Variants in KMT2A observed in about 807,000 individuals in gnomAD.
KMT2A encodes the protein histone-lysine N-methyltransferase 2A.
Under a neutral mutation model 345.3 loss-of-function variants are expected in KMT2A, and 16 were observed. The observed-to-expected ratio is 0.05, with a 90% CI of 0.03 to 0.07. KMT2A has a LOEUF of 0.07. Ranked by LOEUF, KMT2A falls within the 10% of genes least tolerant of loss-of-function variation. The pLI, the probability that KMT2A is intolerant of heterozygous loss-of-function variation, is 1.00. For missense variants in KMT2A, 3,272 were observed against 4,841.6 expected (o/e 0.68, Z 9.62); for synonymous variants, 1,599 against 1,778.6 (o/e 0.90, Z 2.54).
chr11:118,455,710 T>A (rs1019388062), intron 1 of KMT2A, among the ~76,000 whole-genome samples: 10 of 151,780 alleles, frequency 6.6e-5, no homozygotes, highest in Non-Finnish European at 7.4e-5. Context: ...TTATTTATTT[T>A]TTTTTGAGGC....
chr11:118,476,730 A>G lies in KMT2A; in HGVS notation c.3157-75A>G. On this transcript the variant is annotated intron_variant, in intron 3 of 35. Coordinates refer to ENST00000534358, the MANE Select transcript of KMT2A (RefSeq NM_001197104.2). This position sits in a 1 kb window ranked among gnomAD's most constrained non-coding sequence, Gnocchi z 4.1. ...TTCTAAATCATACTGAAATTGATTA[A>G]GTATACCTTGGCTTCGTTCAGTTAT... 3 of 1,178,718 alleles carry G rather than the reference A, an allele frequency of 2.5e-6. No individual in the cohort carries two copies. Among genetic ancestry groups the G allele is most frequent in the Non-Finnish European group, 3.7e-6 (3 of 820,710 alleles). 73.0% of individuals were successfully genotyped at this position (1,178,718 alleles called of 1,614,324 possible).
chr11:118,445,489 T>G (rs2134181190), intron 1 of KMT2A, among the ~76,000 whole-genome samples: 1 of 152,344 alleles, frequency 6.6e-6, no homozygotes, highest in South Asian at 2.1e-4. Flanking sequence ...GGCTCCAGGT[T>G]CAGACCCATT....
At chr11:118,444,893 C>CT (rs782197460) in intron 1 of KMT2A, among the ~76,000 whole-genome samples, 4 of 152,142 alleles carry the variant, frequency 2.6e-5, no homozygotes, top group Non-Finnish European at 5.9e-5. Flanking sequence ...TTTTGAACCT[C>CT]TCCATACCTC....
At chr11:118,499,468 G>C in intron 23 of KMT2A, 48 bp downstream of exon 23, 1 of 1,185,906 alleles carries the variant, frequency 8.4e-7, no homozygotes, top group Non-Finnish European at 1.3e-6. Context: ...TATCATTGGG[G>C]AAATTTCTGG....
chr11:118,489,826 A>G lies in KMT2A; in HGVS notation c.4514A>G (p.Tyr1505Cys). ...LLECNKCRNS[Y>C]HPECLGPNYP... The stretch of plus-strand genomic sequence containing the variant: ...GAGTGTAATAAGTGCCGAAACAGCT[A>G]TCACCCTGAGTGCCTGGGACCAAAC... Residue 1505 changes from tyrosine (Y) to cysteine (C), a missense_variant, in exon 12 of 36, where the codon TAT (tyrosine) becomes TGT (cysteine). Tyr to Cys is a radical substitution (Grantham distance 194). Coordinates refer to ENST00000534358, the MANE Select transcript of KMT2A (RefSeq NM_001197104.2). 1 of 1,614,214 alleles carries G rather than the reference A, an allele frequency of 6.2e-7. No homozygotes were observed. The highest frequency in any genetic ancestry group is 8.5e-7 in the Non-Finnish European group (1 of 1,180,028).
At chr11:118,517,339 T>C (rs1226745060) in intron 31 of KMT2A, among the ~76,000 whole-genome samples, 1 of 139,560 alleles carries the variant, frequency 7.2e-6, no homozygotes, top group Non-Finnish European at 1.5e-5. Context: ...GAGCTTGCAG[T>C]GAGCCAAGAT....
At chr11:118,439,183 GAAAA>G in intron 1 of KMT2A, 1 of 384,138 alleles carries the variant, frequency 2.6e-6, no homozygotes, top group East Asian at 7.6e-5. Context: ...AGAAAAAAAA[GAAAA>G]AACTGACATT....
Position 118,493,621 on chromosome 11 carries a change from C to T in KMT2A, c.5178+391C>T, listed in dbSNP as rs977683756. Among the ~76,000 whole-genome samples, 20 of 151,894 alleles carry T rather than the reference C, an allele frequency of 1.3e-4. No individual in the cohort carries two copies. Among genetic ancestry groups the T allele is most frequent in the African/African-American group, 4.8e-4 (20 of 41,320 alleles). ...TAAGGTCTTCATTTGTAGATAGATGCCTGTTAATTTTATGATTTTAAGTAT... is the reference window on the plus strand; with the variant it reads ...TAAGGTCTTCATTTGTAGATAGATGTCTGTTAATTTTATGATTTTAAGTAT... On this transcript the variant is annotated intron_variant, in intron 16 of 35. Coordinates refer to ENST00000534358, the MANE Select transcript of KMT2A (RefSeq NM_001197104.2). This position sits in a 1 kb window ranked among gnomAD's most constrained non-coding sequence, Gnocchi z 5.8.
At chr11:118,488,412 G>T (rs1950267109) in intron 10 of KMT2A, 7 of 635,510 alleles carry the variant, frequency 1.1e-5, no homozygotes, top group South Asian at 6.6e-5. Flanking sequence ...TATTTCCACT[G>T]GTATTACCAC....
chr11:118,502,580 G>T lies in KMT2A; in HGVS notation c.6688G>T (p.Val2230Phe). ...TTACTCTAGGAATAATGTTTCCTCA[G>T]TCTCCACCACCGGGACCGCTACTGA... is the stretch of plus-strand genomic sequence containing the variant. ...NTYSRNNVSS[V>F]STTGTATDLE... The change falls in exon 27 of 36, where the codon GTC becomes TTC. Residue 2230 changes from valine to phenylalanine, a missense_variant. Physicochemically the swap from Val to Phe is conservative, Grantham distance 50. Transcript: ENST00000534358. This position sits in a 1 kb window ranked among gnomAD's most constrained non-coding sequence, Gnocchi z 4.9. 6.2e-7 allele frequency: 1 copy of T among 1,614,090 alleles called. No homozygotes were observed. Among genetic ancestry groups the T allele is most frequent in the East Asian group, 2.2e-5 (1 of 44,890 alleles).
intron 1 of KMT2A, among the ~76,000 whole-genome samples, chr11:118,465,492 A>G (rs1555033915): frequency 9.2e-5 from 14 of 152,216 alleles, no homozygotes; most frequent in Non-Finnish European, 2.1e-4. Context: ...TATGTTGCCT[A>G]TAGCTTTCCA....
Position 118,495,144 on chromosome 11 carries a change from T to C in KMT2A, c.5363+377T>C, listed in dbSNP as rs989322928. 1.3e-5 allele frequency among the ~76,000 whole-genome samples: 2 copies of C among 151,914 alleles called. No homozygotes were observed. Among genetic ancestry groups the C allele is most frequent in the African/African-American group, 2.4e-5 (1 of 41,408 alleles). ...TTTTATTCCAGTAAATTCTTTTGAT[T>C]TGATTTTATTTATTTATTTATTTTT... On this transcript the variant is annotated intron_variant, in intron 18 of 35. Transcript: ENST00000534358. The surrounding 1 kb of genome is among the most constrained non-coding windows in gnomAD (Gnocchi z 4.1).
At chr11:118,450,838 G>A (rs1949521330) in intron 1 of KMT2A, 1 of 152,146 alleles carries the variant, frequency 6.6e-6, no homozygotes, top group African/African-American at 2.4e-5. Flanking sequence ...TACATTTCTT[G>A]ACTGGTTGAA....
rs1656425767 is a variant in KMT2A, at chr11:118,498,860, A to T, written c.5961+332A>T. Among the ~76,000 whole-genome samples the T allele has an allele frequency of 6.6e-6, 1 of 152,178 alleles. No individual in the cohort carries two copies. Among genetic ancestry groups the T allele is most frequent in the African/African-American group, 2.4e-5 (1 of 41,446 alleles). ...ATATGGAGTATTTTCGCTGCCTTAA[A>T]CATCCTCTGTGCTCTGCCTATTCAT... On this transcript the variant is annotated intron_variant, in intron 22 of 35. Coordinates refer to ENST00000534358, the MANE Select transcript of KMT2A (RefSeq NM_001197104.2). This position sits in a 1 kb window ranked among gnomAD's most constrained non-coding sequence, Gnocchi z 4.4.
intron 31 of KMT2A, among the ~76,000 whole-genome samples, chr11:118,518,343 A>G (rs782508310): frequency 1.9e-4 from 29 of 152,248 alleles, no homozygotes; most frequent in Non-Finnish European, 3.7e-4. Flanking sequence ...TGTTGTTTTC[A>G]TAAAATAAAA....
In KMT2A at chr11:118,484,464, G is replaced by A; in HGVS notation, c.4218+150G>A. 1 of 759,262 alleles carries A rather than the reference G, an allele frequency of 1.3e-6. No individual in the cohort carries two copies. The highest frequency in any genetic ancestry group is 2.1e-6 in the Non-Finnish European group (1 of 476,018). 47.0% of individuals were successfully genotyped at this position (759,262 alleles called of 1,614,324 possible). A position where few individuals can be genotyped will look rare whatever the true frequency, so the allele number is the denominator to read the frequency against. On this transcript the variant is annotated intron_variant, in intron 9 of 35. Coordinates refer to ENST00000534358, the MANE Select transcript of KMT2A (RefSeq NM_001197104.2). The surrounding 1 kb of genome is among the most constrained non-coding windows in gnomAD (Gnocchi z 4.1). ...TTAGCAGGTGGGTTTAGCGCTGGGA[G>A]AGCTTTGGTCAGTGTTGTTAGGTCA...
At position 118,524,276 on chromosome 11, in the gene KMT2A, C is replaced by A; in HGVS notation, c.*2104C>A. 1 of 185,636 alleles carries A rather than the reference C, an allele frequency of 5.4e-6. No individual in the cohort carries two copies. The highest frequency in any genetic ancestry group is 6.2e-5 in the Admixed American group (1 of 16,104). 11.5% of individuals were successfully genotyped at this position (185,636 alleles called of 1,614,324 possible). ...CCACAAGGTTTCAGAGTAGTGTAGT[C>A]CAAGTAGAGGGTGGGGCACCCTTTT... On this transcript the variant is annotated 3_prime_UTR_variant, in exon 36 of 36. Coordinates refer to ENST00000534358, the MANE Select transcript of KMT2A (RefSeq NM_001197104.2).
At chr11:118,470,934 T>C (rs7948661) in intron 2 of KMT2A, among the ~76,000 whole-genome samples, 9,360 of 152,262 alleles carry the variant, frequency 0.061, 330 homozygotes, top group African/African-American at 0.079. Flanking sequence ...TAAGTTGTCA[T>C]TTTGCTGTTG....
intron 1 of KMT2A, among the ~76,000 whole-genome samples, chr11:118,454,012 C>T (rs1481807239): frequency 2.6e-5 from 4 of 152,212 alleles, no homozygotes; most frequent in Non-Finnish European, 5.9e-5. Context: ...TCTATCCCAT[C>T]AGCAAATTCT....
Sources: allele counts gnomAD v4.1 joint callset (sites outside exome capture counted in the v4.1 genomes callset), GRCh38; gene constraint gnomAD v4.1.1; non-coding constraint Gnocchi (gnomAD v3.1); transcripts MANE v1.5; gene names NCBI Gene and HGNC (gene_info 2026-07-23, HGNC 2026-07-21).